The following ADAM22 variants were observed in gnomAD, a reference collection of about 807,000 sequenced individuals.
ADAM22 encodes the protein ADAM metallopeptidase domain 22.
A neutral mutation model predicts 144.6 loss-of-function variants in ADAM22; 65 were observed. The ratio of observed to expected loss-of-function variants is 0.45; its 90% CI spans 0.37 to 0.55. The LOEUF (loss-of-function observed/expected upper bound fraction) is 0.55, where lower values mean the gene tolerates loss of function less well. ADAM22 is among the 20% of genes least tolerant of loss of function. ADAM22 has a pLI of 0.00. For missense variants in ADAM22, 974 were observed against 1,184.9 expected, an observed-to-expected ratio of 0.82 and a Z score of 2.61; for synonymous variants, 391 against 412.6, an observed-to-expected ratio of 0.95 and a Z score of 0.63.
intron 3 of ADAM22, among the ~76,000 whole-genome samples, chr7:88,036,830 T>G (rs572698400): frequency 3.9e-5 from 6 of 152,118 alleles, no homozygotes; most frequent in Non-Finnish European, 7.4e-5. Context: ...AGCCTCCTCC[T>G]ATGTAATCTT....
rs1333663509 is a variant in ADAM22, at chr7:88,078,843, T to G, written c.390+3151T>G. On this transcript the variant is annotated intron_variant, in intron 4 of 31. Transcript: ENST00000413139. Reference sequence around the variant, plus strand: ...GCAAAGCCTCCAAGAAATATGAGACTATGTGAAAAGACCAAATCTACGTCT... The same window carrying G: ...GCAAAGCCTCCAAGAAATATGAGACGATGTGAAAAGACCAAATCTACGTCT... Among the ~76,000 whole-genome samples, 3 of 152,068 alleles carry G rather than the reference T, an allele frequency of 2.0e-5. No homozygotes were observed. The East Asian group carries it at 5.8e-4, about 29-fold the overall frequency.
chr7:88,070,557 GCTT>G (rs1261929720), intron 3 of ADAM22, among the ~76,000 whole-genome samples: 2 of 152,066 alleles, frequency 1.3e-5, no homozygotes, highest in Non-Finnish European at 2.9e-5. Flanking sequence ...TCATTTGTTT[GCTT>G]CTTATGCAAG....
chr7:87,959,152 G>T (rs1847481187), intron 2 of ADAM22, among the ~76,000 whole-genome samples: 1 of 151,790 alleles, frequency 6.6e-6, no homozygotes, highest in Non-Finnish European at 1.5e-5. Flanking sequence ...AATGTTAAAG[G>T]ACCTAGAATT....
intron 3 of ADAM22, among the ~76,000 whole-genome samples, chr7:87,996,945 C>T (rs1286439322): frequency 1.3e-5 from 2 of 152,078 alleles, no homozygotes; most frequent in African/African-American, 4.8e-5. Flanking sequence ...TATGAAACAC[C>T]CAAAACAGTG....
At chr7:88,086,020 CA>C (rs1207329315) in intron 4 of ADAM22, among the ~76,000 whole-genome samples, 3 of 151,930 alleles carry the variant, frequency 2.0e-5, no homozygotes, top group Non-Finnish European at 4.4e-5. Flanking sequence ...ACTAAAAATA[CA>C]AAAAATTAGC....
In ADAM22 at chr7:88,044,427, T is replaced by C. The variant is rs1037905157; in HGVS notation, c.324-31199T>C. ...AAAAGCTCCTCGATTTGGAGAAATTTATTAAATTCATATAATGGAGACTTT... is the reference window on the plus strand; with the variant it reads ...AAAAGCTCCTCGATTTGGAGAAATTCATTAAATTCATATAATGGAGACTTT... On this transcript the variant is annotated intron_variant, in intron 3 of 31. Coordinates refer to ENST00000413139, the MANE Select transcript of ADAM22 (RefSeq NM_001324418.2). Among the ~76,000 whole-genome samples the C allele has an allele frequency of 6.4e-4, 97 of 152,274 alleles. 1 individual carries two copies. The highest frequency in any genetic ancestry group is 2.3e-3 in the African/African-American group (96 of 41,564).
At chr7:88,039,484 T>TAC (rs1563082439) in intron 3 of ADAM22, among the ~76,000 whole-genome samples, 8 of 120,510 alleles carry the variant, frequency 6.6e-5, no homozygotes, top group South Asian at 3.0e-4. Flanking sequence ...TATATATATA[T>TAC]ACATTTCATG....
intron 4 of ADAM22, among the ~76,000 whole-genome samples, chr7:88,077,204 T>G (rs1189195313): frequency 6.6e-6 from 1 of 152,242 alleles, no homozygotes; most frequent in African/African-American, 2.4e-5. Context: ...TTATTTAAAC[T>G]GTTATCAGTA....
At chr7:88,007,956 A>G (rs1345931992) in intron 3 of ADAM22, among the ~76,000 whole-genome samples, 1 of 152,230 alleles carries the variant, frequency 6.6e-6, no homozygotes, top group African/African-American at 2.4e-5. Context: ...ATCAGAGTGA[A>G]CAGGCAACCT....
intron 2 of ADAM22, among the ~76,000 whole-genome samples, chr7:87,949,501 T>C (rs530865244): frequency 1.3e-5 from 2 of 152,342 alleles, no homozygotes; most frequent in East Asian, 3.9e-4. Context: ...GTGACTTTAT[T>C]CACCAGACTT....
At chr7:87,966,974 G>A (rs1002915606) in intron 2 of ADAM22, among the ~76,000 whole-genome samples, 3 of 151,954 alleles carry the variant, frequency 2.0e-5, no homozygotes, top group African/African-American at 4.8e-5. Context: ...GAATGATGGG[G>A]ATGGTTACCT....
chr7:87,975,004 ATC>A (rs996446451), intron 2 of ADAM22, among the ~76,000 whole-genome samples: 37 of 152,172 alleles, frequency 2.4e-4, no homozygotes, highest in African/African-American at 8.7e-4. Flanking sequence ...ATCCAGGATA[ATC>A]TCCCCAAGTC....
intron 3 of ADAM22, among the ~76,000 whole-genome samples, chr7:88,012,987 G>A (rs559885411): frequency 1.3e-5 from 2 of 152,114 alleles, no homozygotes; most frequent in Admixed American, 1.3e-4. Flanking sequence ...CCAAGGACTC[G>A]GGGGACCAGG....
At chr7:87,944,816 G>GTTTTTTTTTTT (rs11311070) in intron 2 of ADAM22, among the ~76,000 whole-genome samples, 1 of 127,024 alleles carries the variant, frequency 7.9e-6, no homozygotes. Context: ...GGAAACTTGT[G>GTTTTTTTTTTT]TTTTTTTTTT....
At chr7:87,957,152 T>G (rs1175229940) in intron 2 of ADAM22, among the ~76,000 whole-genome samples, 1 of 152,124 alleles carries the variant, frequency 6.6e-6, no homozygotes, top group Non-Finnish European at 1.5e-5. Flanking sequence ...CTAAAAAGAT[T>G]TTAGAAAGTT....
intron 18 of ADAM22, among the ~76,000 whole-genome samples, chr7:88,150,310 G>A (rs970945657): frequency 6.6e-6 from 1 of 152,044 alleles, no homozygotes; most frequent in Non-Finnish European, 1.5e-5. Context: ...TTGGTATTCC[G>A]TTTTTGCAAA....
At chr7:88,089,726 T>G (rs145232483) in intron 4 of ADAM22, among the ~76,000 whole-genome samples, 242 of 152,290 alleles carry the variant, frequency 1.6e-3, no homozygotes, top group Admixed American at 5.8e-3. Context: ...GAAATGATGT[T>G]TTTCCTTTTG....
chr7:88,045,095 G>T (rs986807896), intron 3 of ADAM22, among the ~76,000 whole-genome samples: 2 of 150,954 alleles, frequency 1.3e-5, no homozygotes, highest in South Asian at 4.2e-4. Context: ...TCAGCTCACT[G>T]CAACCTCCGC....
chr7:88,060,781 AC>A (rs1328862459), intron 3 of ADAM22, among the ~76,000 whole-genome samples: 17 of 149,450 alleles, frequency 1.1e-4, no homozygotes, highest in South Asian at 2.1e-4. Flanking sequence ...AAAAAAAAAA[AC>A]AAAAAACACT....
Sources: gnomAD v4.1 joint callset for allele counts (sites outside exome capture counted in the v4.1 genomes callset) on GRCh38, gnomAD v4.1.1 for gene constraint, MANE v1.5 for transcripts, NCBI Gene and HGNC (gene_info 2026-07-23, HGNC 2026-07-21) for gene names.